NEK7: variants seen among roughly 807,000 people sequenced by gnomAD.
NEK7 encodes serine/threonine-protein kinase Nek7.
Under a neutral mutation model 44.6 loss-of-function variants are expected in NEK7, and 18 were observed. That is an observed-to-expected ratio of 0.40 (90% CI 0.28 to 0.60). The LOEUF is 0.60. Ranked by LOEUF, NEK7 falls within the 20% of genes least tolerant of loss-of-function variation. The probability of loss-of-function intolerance (pLI) is 0.38; values close to 1 mark genes in which losing one functional copy is unlikely to be tolerated. For missense variants in NEK7, 256 were observed against 366.5 expected (o/e 0.70, Z 2.46); for synonymous variants, 130 against 121.1 (o/e 1.07, Z -0.48).
chr1:198,289,600 A>G (rs193033531), intron 7 of NEK7, among the ~76,000 whole-genome samples: 177 of 152,324 alleles, frequency 1.2e-3, no homozygotes, highest in Non-Finnish European at 2.4e-4. Context: ...TTTAAAAAAC[A>G]CACAAAAAAG....
At chr1:198,157,541 G>A (rs1172134412) in intron 1 of NEK7, among the ~76,000 whole-genome samples, 2 of 152,226 alleles carry the variant, frequency 1.3e-5, no homozygotes, top group Non-Finnish European at 2.9e-5. Flanking sequence ...CAAGGGCGCC[G>A]CGGTAACTAA....
rs1653575574 is a variant in NEK7 at position 198,264,254 on chromosome 1, G to A, written c.372+19G>A. The A allele has an allele frequency of 6.5e-7, 1 of 1,540,856 alleles. No homozygotes were observed. The highest frequency in any genetic ancestry group is 8.9e-7 in the Non-Finnish European group (1 of 1,129,668). ...GATCAAGGTAAGTTTTGAAAAAATT[G>A]TCTTAATGTTTTGTTTTGTTTTTTT... On this transcript the variant is annotated intron_variant, in intron 5 of 9. Coordinates refer to ENST00000367385, the MANE Select transcript of NEK7 (RefSeq NM_133494.3).
intron 2 of NEK7, among the ~76,000 whole-genome samples, chr1:198,246,787 T>C (rs1666847321): frequency 6.6e-6 from 1 of 152,266 alleles, no homozygotes; most frequent in African/African-American, 2.4e-5. Context: ...ATTTAAAGTA[T>C]CTGAATTGTT....
rs145359356 is a variant in NEK7 at position 198,291,681 on chromosome 1, T to C, written c.590-1264T>C. Among the ~76,000 whole-genome samples, 10 of 152,312 alleles carry C rather than the reference T, an allele frequency of 6.6e-5. No individual in the cohort carries two copies. In the East Asian group the frequency reaches 1.9e-3, roughly 29 times the overall value. On this transcript the variant is annotated intron_variant, in intron 7 of 9. Transcript: ENST00000367385. ...TTCTTCATCACTTTCATAAATACTT[T>C]TCTTTCATCCAGTCTGACTAGGGCT... is the stretch of plus-strand genomic sequence containing the variant.
At chr1:198,251,312 A>G (rs1271076039) in intron 2 of NEK7, among the ~76,000 whole-genome samples, 3 of 150,282 alleles carry the variant, frequency 2.0e-5, no homozygotes, top group African/African-American at 4.9e-5. Flanking sequence ...ATCAATGTTC[A>G]TCAAGGATAT....
intron 2 of NEK7, among the ~76,000 whole-genome samples, chr1:198,242,213 C>T (rs910702349): frequency 2.0e-5 from 3 of 152,088 alleles, no homozygotes; most frequent in Admixed American, 2.0e-4. Flanking sequence ...AGTCTCCCTG[C>T]TTCCATTCTT....
chr1:198,173,150 C>T (rs1027627805), intron 1 of NEK7, among the ~76,000 whole-genome samples: 7 of 152,004 alleles, frequency 4.6e-5, no homozygotes, highest in African/African-American at 1.2e-4. Context: ...TGCAGTTTTT[C>T]GGATGTGGTG....
In NEK7 at chr1:198,164,789, A is replaced by T. The variant is rs998327510; in HGVS notation, c.-29+7513A>T. Among the ~76,000 whole-genome samples the T allele has an allele frequency of 3.3e-5, 5 of 152,330 alleles. No homozygotes were observed. The South Asian group carries it at 1.0e-3, about 32-fold the overall frequency. ...GTCGTTTTCTTAAAAGTAGACAACC[A>T]TAAAGCTTGCCACATCAATTGACTC... On this transcript the variant is annotated intron_variant, in intron 1 of 9. Transcript: ENST00000367385.
intron 2 of NEK7, 83 bp from the exon 3 acceptor site, chr1:198,252,957 T>C (rs912500973): frequency 1.7e-6 from 2 of 1,161,304 alleles, no homozygotes; most frequent in Non-Finnish European, 2.5e-6. Flanking sequence ...ATGTGTCACC[T>C]ACATATATGA....
intron 7 of NEK7, among the ~76,000 whole-genome samples, chr1:198,288,874 G>A (rs1014046580): frequency 1.3e-5 from 2 of 152,136 alleles, no homozygotes; most frequent in African/African-American, 4.8e-5. Context: ...AATAAAATAT[G>A]CTTAGGTGTT....
intron 7 of NEK7, 32 bp downstream of exon 7, chr1:198,279,093 C>T: frequency 7.9e-7 from 1 of 1,266,104 alleles, no homozygotes; most frequent in Non-Finnish European, 1.2e-6. Flanking sequence ...CATTCAGTTA[C>T]TTTGTGTATG....
chr1:198,212,866 A>G (rs1181932594), intron 1 of NEK7, among the ~76,000 whole-genome samples: 1 of 150,826 alleles, frequency 6.6e-6, no homozygotes, highest in Non-Finnish European at 1.5e-5. Context: ...CTTAGGAAGA[A>G]GAAAACATTT....
In NEK7 at chr1:198,266,646, C is replaced by T. The variant is rs117178380; in HGVS notation, c.372+2411C>T. On this transcript the variant is annotated intron_variant, in intron 5 of 9. Coordinates refer to ENST00000367385, the MANE Select transcript of NEK7 (RefSeq NM_133494.3). ...AGTTATTTAATCTTAATGATTGAGC[C>T]AGTTTCTACATCAATAAAATTGGGT... Among the ~76,000 whole-genome samples, 104 of 151,974 alleles carry T rather than the reference C, an allele frequency of 6.8e-4. 3 individuals carry two copies. The East Asian group carries it at 0.019, about 27-fold the overall frequency.
intron 2 of NEK7, among the ~76,000 whole-genome samples, chr1:198,250,969 G>C (rs1159925861): frequency 6.6e-6 from 1 of 152,162 alleles, no homozygotes; most frequent in Non-Finnish European, 1.5e-5. Flanking sequence ...CGTTTTCAAA[G>C]GGAATGCTTC....
At chr1:198,246,856 A>G (rs1272792215) in intron 2 of NEK7, among the ~76,000 whole-genome samples, 1 of 152,232 alleles carries the variant, frequency 6.6e-6, no homozygotes, top group Non-Finnish European at 1.5e-5. Context: ...AATCTTCATT[A>G]AGTGAAAGAA....
At chr1:198,278,459 A>G (rs1334488653) in intron 6 of NEK7, among the ~76,000 whole-genome samples, 1 of 149,918 alleles carries the variant, frequency 6.7e-6, no homozygotes, top group Non-Finnish European at 1.5e-5. Flanking sequence ...CATTACATCA[A>G]TAAGTAATTG....
chr1:198,217,230 G>A (rs892969561), intron 1 of NEK7, among the ~76,000 whole-genome samples: 1 of 151,958 alleles, frequency 6.6e-6, no homozygotes, highest in Non-Finnish European at 1.5e-5. Flanking sequence ...AAACTCAACA[G>A]CACGTCAAAA....
intron 1 of NEK7, among the ~76,000 whole-genome samples, chr1:198,226,453 G>C (rs774050796): frequency 2.4e-4 from 36 of 151,712 alleles, no homozygotes; most frequent in Middle Eastern, 3.4e-3. Context: ...GTTGAGGCAG[G>C]AGAATGACTT....
At chr1:198,165,710 A>G (rs1279966201) in intron 1 of NEK7, among the ~76,000 whole-genome samples, 2 of 152,206 alleles carry the variant, frequency 1.3e-5, no homozygotes, top group African/African-American at 2.4e-5. Context: ...GGGATGCTAA[A>G]TGAGCATTGG....
Sources: allele counts gnomAD v4.1 joint callset (sites outside exome capture counted in the v4.1 genomes callset), GRCh38; gene constraint gnomAD v4.1.1; transcripts MANE v1.5; gene names NCBI Gene and HGNC (gene_info 2026-07-23, HGNC 2026-07-21).